PCDHGB1: variants seen among roughly 807,000 people sequenced by gnomAD.
The protein encoded by PCDHGB1 is protocadherin gamma subfamily B, 1.
In PCDHGB1, 34 loss-of-function variants were observed where a neutral mutation model predicts 56.6. That is an observed-to-expected ratio of 0.60 (90% CI 0.46 to 0.80). PCDHGB1 has a LOEUF of 0.80. Among genes scored for constraint, PCDHGB1 ranks in the 30% least tolerant of loss-of-function variants. PCDHGB1 has a pLI of 0.00. For missense variants in PCDHGB1, 1,278 were observed against 1,204.6 expected (o/e 1.06, Z -0.90); for synonymous variants, 561 against 505.9 (o/e 1.11, Z -1.46).
At chr5:141,495,710 G>C (rs2099763133) in intron 2 of PCDHGB1, among the ~76,000 whole-genome samples, 1 of 152,148 alleles carries the variant, frequency 6.6e-6, no homozygotes, top group Non-Finnish European at 1.5e-5. Flanking sequence ...TGTGGAGTGA[G>C]TAACTACACG....
intron 1 of PCDHGB1, among the ~76,000 whole-genome samples, chr5:141,492,824 C>T (rs1027583244): frequency 4.6e-5 from 7 of 152,236 alleles, no homozygotes. Context: ...ACCAGCGGCC[C>T]CTTCCTCCCG....
chr5:141,394,066 A>T (rs1589216611), intron 1 of PCDHGB1: 1 of 1,613,738 alleles, frequency 6.2e-7, no homozygotes, highest in Admixed American at 1.7e-5. Context: ...GTCTCTATCT[A>T]CAATATCACA....
At chr5:141,375,949 C>T (rs759212599) in intron 1 of PCDHGB1, 36 of 1,613,450 alleles carry the variant, frequency 2.2e-5, no homozygotes, top group African/African-American at 2.7e-5. Flanking sequence ...TGGGCCTGCA[C>T]ACGGGCGAGG....
chr5:141,421,203 G>T, intron 1 of PCDHGB1: 1 of 1,522,612 alleles, frequency 6.6e-7, no homozygotes, highest in Non-Finnish European at 8.8e-7. Flanking sequence ...TCGAGAAACC[G>T]CGGAATATCG....
intron 1 of PCDHGB1, chr5:141,426,648 A>G (rs1224402025): frequency 2.4e-6 from 1 of 418,088 alleles, no homozygotes; most frequent in Non-Finnish European, 4.9e-6. Flanking sequence ...AAATGTGATG[A>G]TAGAAGATAT....
chr5:141,401,342 C>CA (rs929380194), intron 1 of PCDHGB1, among the ~76,000 whole-genome samples: 26 of 150,494 alleles, frequency 1.7e-4, no homozygotes, highest in East Asian at 1.6e-3. Context: ...AACTCCATCT[C>CA]AAAAAAAAGG....
chr5:141,506,085 G>A lies in PCDHGB1; in HGVS notation c.2557+604G>A, dbSNP rs532931472. Among the ~76,000 whole-genome samples the A allele has an allele frequency of 2.6e-4, 39 of 152,168 alleles. 1 individual carries two copies. In the South Asian group the frequency reaches 2.9e-3, roughly 11 times the overall value. On this transcript the variant is annotated intron_variant, in intron 3 of 3. Coordinates refer to ENST00000523390, the MANE Select transcript of PCDHGB1 (RefSeq NM_018922.3). ...AGGGCTTCCTTTGTAATAGAGATTC[G>A]GCTAGTGGTGGTTGTCCCTGAAGAG...
At chr5:141,356,917 A>G (rs774508260) in intron 1 of PCDHGB1, 1 of 1,614,056 alleles carries the variant, frequency 6.2e-7, no homozygotes, top group East Asian at 2.2e-5. Context: ...TGATGGCTCC[A>G]CTGGTGTGGA....
chr5:141,390,322 C>G, intron 1 of PCDHGB1: 1 of 1,606,310 alleles, frequency 6.2e-7, no homozygotes, highest in South Asian at 1.1e-5. Context: ...CATTGCCTAC[C>G]CATTTCTCCA....
chr5:141,403,189 G>A (rs1234686339), intron 1 of PCDHGB1: 2 of 1,613,860 alleles, frequency 1.2e-6, no homozygotes, highest in South Asian at 1.1e-5. Flanking sequence ...CTCTGAACCC[G>A]CGCAGCGGCA....
chr5:141,504,510 C>T (rs2099838864), intron 2 of PCDHGB1, among the ~76,000 whole-genome samples: 1 of 151,952 alleles, frequency 6.6e-6, no homozygotes, highest in Non-Finnish European at 1.5e-5. Context: ...GAGTGGATCT[C>T]CTCTGATATA....
chr5:141,409,938 C>T (rs754052398), intron 1 of PCDHGB1: 114 of 1,613,200 alleles, frequency 7.1e-5, no homozygotes, highest in Admixed American at 4.3e-4. Flanking sequence ...GATATGGTAC[C>T]TCGCTCTGCA....
At chr5:141,354,052 T>C (rs1759458533) in intron 1 of PCDHGB1, among the ~76,000 whole-genome samples, 1 of 152,240 alleles carries the variant, frequency 6.6e-6, no homozygotes, top group Non-Finnish European at 1.5e-5. Flanking sequence ...CATGCAATGA[T>C]AATCCATGTT....
chr5:141,393,055 G>A (rs1225924697), intron 1 of PCDHGB1: 1 of 1,613,678 alleles, frequency 6.2e-7, no homozygotes, highest in South Asian at 1.1e-5. Flanking sequence ...AACCCGCGCA[G>A]CGGCAGCTTG....
chr5:141,428,797 G>A (rs2097161930), intron 1 of PCDHGB1: 1 of 152,310 alleles, frequency 6.6e-6, no homozygotes, highest in Admixed American at 6.5e-5. Context: ...TTCTGTGTGG[G>A]CCAGTAACTT....
chr5:141,401,654 G>T (rs566223613), intron 1 of PCDHGB1, among the ~76,000 whole-genome samples: 52 of 152,328 alleles, frequency 3.4e-4, no homozygotes, highest in Middle Eastern at 3.4e-3. Flanking sequence ...TAAATGACTG[G>T]ATGTTTTCTC....
intron 2 of PCDHGB1, among the ~76,000 whole-genome samples, chr5:141,495,678 C>T (rs1340336428): frequency 6.6e-6 from 1 of 152,180 alleles, no homozygotes; most frequent in African/African-American, 2.4e-5. Context: ...CTGTGCCTGC[C>T]ATGGCATAAG....
At chr5:141,364,462 C>T (rs897608860) in intron 1 of PCDHGB1, 23 of 1,613,902 alleles carry the variant, frequency 1.4e-5, no homozygotes, top group Non-Finnish European at 1.8e-5. Flanking sequence ...AAGGCTCCTT[C>T]GTCGGCAACA....
At chr5:141,362,367 T>G (rs766511645) in intron 1 of PCDHGB1, 1 of 1,614,012 alleles carries the variant, frequency 6.2e-7, no homozygotes, top group South Asian at 1.1e-5. Flanking sequence ...CCAATTACAG[T>G]GAGGGTACAT....
Sources: allele counts gnomAD v4.1 joint callset (sites outside exome capture counted in the v4.1 genomes callset), GRCh38; gene constraint gnomAD v4.1.1; transcripts MANE v1.5; gene names NCBI Gene and HGNC (gene_info 2026-07-23, HGNC 2026-07-21).